Variants in NOTCH2NLB observed in about 807,000 individuals in gnomAD.
NOTCH2NLB encodes the protein notch homolog 2 N-terminal-like protein B.
Under a neutral mutation model 14.8 loss-of-function variants are expected in NOTCH2NLB, and 1 was observed. The observed-to-expected ratio is 0.07, with a 90% CI of 0.02 to 0.32. The LOEUF (loss-of-function observed/expected upper bound fraction) is 0.32, where lower values mean the gene tolerates loss of function less well. Among genes scored for constraint, NOTCH2NLB ranks in the 10% least tolerant of loss-of-function variants. NOTCH2NLB has a pLI of 1.00. For missense variants in NOTCH2NLB, 11 were observed against 155.0 expected, an observed-to-expected ratio of 0.07 and a Z score of 4.93; for synonymous variants, 6 against 57.5, an observed-to-expected ratio of 0.10 and a Z score of 4.05.
intron 2 of NOTCH2NLB, among the ~76,000 whole-genome samples, chr1:148,637,672 C>T (rs1443785179): frequency 7.0e-6 from 1 of 143,688 alleles, no homozygotes; most frequent in Non-Finnish European, 1.5e-5. Context: ...TTTGCTGCAC[C>T]TATCAACCCG....
intron 2 of NOTCH2NLB, among the ~76,000 whole-genome samples, chr1:148,638,900 A>G: frequency 6.9e-6 from 1 of 143,922 alleles, no homozygotes; most frequent in East Asian, 2.0e-4. Flanking sequence ...TACTCCTCAC[A>G]AAAATGAAGG....
intron 1 of NOTCH2NLB, among the ~76,000 whole-genome samples, chr1:148,670,511 G>A (rs1297766922): frequency 6.7e-5 from 7 of 104,458 alleles, no homozygotes; most frequent in South Asian, 3.4e-4. Flanking sequence ...ATATATATAT[G>A]TAGATCTGTT....
chr1:148,691,642 C>T, the NOTCH2NLB span, among the ~76,000 whole-genome samples: 1 of 14,522 alleles, frequency 6.9e-5, no homozygotes, highest in Non-Finnish European at 1.2e-4. Flanking sequence ...ATAGTTGACC[C>T]ATAGTGATAT....
intron 1 of NOTCH2NLB, among the ~76,000 whole-genome samples, chr1:148,645,748 T>A (rs1664354845): frequency 6.6e-6 from 1 of 150,624 alleles, no homozygotes; most frequent in African/African-American, 2.4e-5. Flanking sequence ...AGGGTTCTGG[T>A]CCTCACAGGG....
At chr1:148,649,542 G>A (rs1460083897) in intron 1 of NOTCH2NLB, among the ~76,000 whole-genome samples, 31 of 126,574 alleles carry the variant, frequency 2.4e-4, no homozygotes, top group Non-Finnish European at 3.0e-4. Context: ...ATGGAGTCTC[G>A]CTCTGTCACC....
At chr1:148,638,054 C>T (rs1480106686) in intron 2 of NOTCH2NLB, among the ~76,000 whole-genome samples, 2 of 148,760 alleles carry the variant, frequency 1.3e-5, no homozygotes, top group Non-Finnish European at 3.0e-5. Flanking sequence ...AGTAAACACA[C>T]ATGTGCATGT....
chr1:148,610,425 T>A (rs1663666441), intron 3 of NOTCH2NLB, among the ~76,000 whole-genome samples: 1 of 127,680 alleles, frequency 7.8e-6, no homozygotes, highest in Admixed American at 7.6e-5. Flanking sequence ...CAACCCTGAA[T>A]TTGGTTTCCA....
intron 1 of NOTCH2NLB, among the ~76,000 whole-genome samples, chr1:148,651,158 A>ATATAT (rs1383778431): frequency 5.9e-4 from 48 of 81,208 alleles, no homozygotes; most frequent in African/African-American, 2.3e-3. Flanking sequence ...AAAAAAAAAA[A>ATATAT]AAAAATATAT....
At chr1:148,613,357 GATTGA>G (rs1293758680) in intron 3 of NOTCH2NLB, among the ~76,000 whole-genome samples, 36 of 149,550 alleles carry the variant, frequency 2.4e-4, no homozygotes, top group South Asian at 6.4e-4. Flanking sequence ...GTGTCAACTT[GATTGA>G]ATTGAAGGAT....
chr1:148,620,553 TCA>T (rs1663845297), intron 2 of NOTCH2NLB, among the ~76,000 whole-genome samples: 1 of 30,890 alleles, frequency 3.2e-5, no homozygotes, highest in African/African-American at 1.2e-4. Context: ...TCATTCGTGT[TCA>T]CAGTTTCCTT....
At chr1:148,645,484 C>G (rs1664344665) in intron 1 of NOTCH2NLB, among the ~76,000 whole-genome samples, 2 of 142,708 alleles carry the variant, frequency 1.4e-5, no homozygotes, top group Non-Finnish European at 3.1e-5. Context: ...TTACTTTAAC[C>G]AGTCTAGGCT....
At chr1:148,625,525 C>G (rs1663963301) in intron 2 of NOTCH2NLB, among the ~76,000 whole-genome samples, 1 of 104,210 alleles carries the variant, frequency 9.6e-6, no homozygotes, top group Non-Finnish European at 1.9e-5. Context: ...AAAAAAGTCT[C>G]ATGTGGGTTG....
At chr1:148,649,641 G>C (rs2149623734) in intron 1 of NOTCH2NLB, among the ~76,000 whole-genome samples, 1 of 151,746 alleles carries the variant, frequency 6.6e-6, no homozygotes, top group East Asian at 1.9e-4. Context: ...CTCCCGAGTA[G>C]CTGGGACTAT....
chr1:148,712,444 G>C, the NOTCH2NLB span, among the ~76,000 whole-genome samples: 1 of 152,264 alleles, frequency 6.6e-6, no homozygotes, highest in Non-Finnish European at 1.5e-5. Flanking sequence ...CATTTGGCTG[G>C]GCTTTCCTGG....
the NOTCH2NLB span, among the ~76,000 whole-genome samples, chr1:148,707,806 T>C: frequency 6.9e-6 from 1 of 144,034 alleles, no homozygotes; most frequent in African/African-American, 2.5e-5. Context: ...TAAAATAAAA[T>C]TATCTGTCTT....
chr1:148,650,982 A>G (rs1345968754), intron 1 of NOTCH2NLB, among the ~76,000 whole-genome samples: 1 of 102,534 alleles, frequency 9.8e-6, no homozygotes, highest in East Asian at 3.3e-4. Flanking sequence ...TACTAAAAGT[A>G]CAAAAAAAAA....
At chr1:148,610,373 G>A (rs1213327118) in intron 3 of NOTCH2NLB, among the ~76,000 whole-genome samples, 91 of 89,198 alleles carry the variant, frequency 1.0e-3, no homozygotes, top group East Asian at 3.0e-3. Flanking sequence ...AAGAAAGAAA[G>A]AGAAAGAAAG....
intron 2 of NOTCH2NLB, among the ~76,000 whole-genome samples, chr1:148,637,742 T>A (rs1384558123): frequency 7.3e-6 from 1 of 136,316 alleles, no homozygotes; most frequent in Non-Finnish European, 1.6e-5. Flanking sequence ...TCCCTCCCCT[T>A]TCCCCCCACC....
intron 1 of NOTCH2NLB, among the ~76,000 whole-genome samples, chr1:148,661,565 C>A (rs1309149223): frequency 1.3e-5 from 2 of 149,850 alleles, no homozygotes; most frequent in Admixed American, 1.3e-4. Context: ...TTTAGATAAT[C>A]TATGTACCTC....
Sources: allele counts gnomAD v4.1 joint callset (sites outside exome capture counted in the v4.1 genomes callset), GRCh38; gene constraint gnomAD v4.1.1; transcripts MANE v1.5; gene names NCBI Gene and HGNC (gene_info 2026-07-23, HGNC 2026-07-21).